The following STEAP4 variants were observed in gnomAD, a reference collection of about 807,000 sequenced individuals.
STEAP4 encodes metalloreductase STEAP4.
A neutral mutation model predicts 43.6 loss-of-function variants in STEAP4; 36 were observed. The observed-to-expected ratio is 0.83, with a 90% confidence interval of 0.63 to 1.09. STEAP4 has a LOEUF of 1.09. STEAP4 is among the 50% of genes least tolerant of loss of function. The pLI, the probability that STEAP4 is intolerant of heterozygous loss-of-function variation, is 0.00. For missense variants in STEAP4, 495 were observed against 546.5 expected, an observed-to-expected ratio of 0.91 and a Z score of 0.94; for synonymous variants, 191 against 196.7, an observed-to-expected ratio of 0.97 and a Z score of 0.24.
At chr7:88,283,557 T>C (rs968062661) in intron 2 of STEAP4, 10 of 548,324 alleles carry the variant, frequency 1.8e-5, no homozygotes, top group Non-Finnish European at 2.9e-5. Context: ...TATTAGTTTC[T>C]AGTACTGACA....
chr7:88,302,357 A>C (rs1322423420), intron 1 of STEAP4, among the ~76,000 whole-genome samples: 8 of 152,234 alleles, frequency 5.3e-5, no homozygotes, highest in Non-Finnish European at 8.8e-5. Flanking sequence ...GTTGCAATGC[A>C]TAGTGTAATG....
chr7:88,288,302 C>T (rs1335976900), intron 1 of STEAP4, among the ~76,000 whole-genome samples: 2 of 152,124 alleles, frequency 1.3e-5, no homozygotes, highest in Non-Finnish European at 2.9e-5. Context: ...TCCAGAGTAG[C>T]TGGGATTATA....
At position 88,301,822 on chromosome 7, in the gene STEAP4, C is replaced by T. The variant is rs576864284; in HGVS notation, c.-3+4970G>A. On this transcript the variant is annotated intron_variant, in intron 1 of 4. Transcript: ENST00000380079. ...AACTCCTGAGCTCAGGCAATCCGCC[C>T]GCCTCAGCCTCCCACAGTGCTGGGA... Among the ~76,000 whole-genome samples the T allele has an allele frequency of 6.6e-3, 1,011 of 152,144 alleles. 6 individuals carry two copies. The highest frequency in any genetic ancestry group is 0.017 in the Middle Eastern group (5 of 292).
chr7:88,292,404 C>A (rs767365015), intron 1 of STEAP4: 19 of 152,054 alleles, frequency 1.2e-4, no homozygotes, highest in Non-Finnish European at 2.4e-4. Context: ...CAAAAATAAT[C>A]TATTTTCAGT....
At chr7:88,301,927 G>T (rs564727467) in intron 1 of STEAP4, among the ~76,000 whole-genome samples, 12 of 152,196 alleles carry the variant, frequency 7.9e-5, no homozygotes, top group Non-Finnish European at 1.6e-4. Context: ...AAATAAATTT[G>T]TAACTACAAT....
rs187280204 is a variant in STEAP4 at position 88,279,300 on chromosome 7, G to A, written c.*98C>T. On this transcript the variant is annotated 3_prime_UTR_variant, in exon 5 of 5. Coordinates refer to ENST00000380079, the MANE Select transcript of STEAP4 (RefSeq NM_024636.4). The stretch of plus-strand genomic sequence containing the variant: ...GTGTAAGAAAAAAACTTTCCTAACT[G>A]TACCCATCATTCTTCTTTAAACATT... 6.9e-6 allele frequency: 8 copies of A among 1,160,704 alleles called. No individual in the cohort carries two copies. The South Asian group carries it at 7.2e-5, about 11-fold the overall frequency. The allele number at this position is 1,160,704 out of a possible 1,614,324, so 71.9% of individuals were successfully genotyped here.
chr7:88,294,869 C>T (rs1376272161), intron 1 of STEAP4, among the ~76,000 whole-genome samples: 4 of 152,048 alleles, frequency 2.6e-5, no homozygotes, highest in Non-Finnish European at 1.5e-5. Flanking sequence ...CTCCATGAAT[C>T]CCTCTGATTT....
At position 88,274,709 on chromosome 7, in the gene STEAP4, T is replaced by C. The variant is rs886593254; in HGVS notation, c.*4689A>G. The C allele has an allele frequency of 6.6e-6, 1 of 152,172 alleles. No homozygotes were observed. The highest frequency in any genetic ancestry group is 2.4e-5 in the African/African-American group (1 of 41,448). 9.4% of individuals were successfully genotyped at this position (152,172 alleles called of 1,614,324 possible). On this transcript the variant is annotated 3_prime_UTR_variant, in exon 5 of 5. Coordinates refer to ENST00000380079, the MANE Select transcript of STEAP4 (RefSeq NM_024636.4). ...TATAGTTATAGTTATTTCTTGATTA[T>C]ATGCTAAACAAGGGATGGATTATTC...
chr7:88,289,997 C>T (rs1344301948), intron 1 of STEAP4, among the ~76,000 whole-genome samples: 2 of 152,150 alleles, frequency 1.3e-5, no homozygotes, highest in Non-Finnish European at 2.9e-5. Flanking sequence ...TGTGTGACTG[C>T]CTATCTCCTC....
chr7:88,292,449 AT>A (rs1852850834), intron 1 of STEAP4: 1 of 152,222 alleles, frequency 6.6e-6, no homozygotes, highest in Non-Finnish European at 1.5e-5. Context: ...TATTAAAAAA[AT>A]AAATCAATCA....
At position 88,276,845 on chromosome 7, in the gene STEAP4, TGCCAAA is replaced by T; in HGVS notation, c.*2547_*2552del. ...GTCAGGTCTGGAAATGCAGCTATTA[TGCCAAA>T]ACCATCAGAGTGCTCTTTAGCTTCA... On this transcript the variant is annotated 3_prime_UTR_variant, in exon 5 of 5. Transcript: ENST00000380079. 1 of 152,690 alleles carries T rather than the reference TGCCAAA, an allele frequency of 6.5e-6. No homozygotes were observed. Among genetic ancestry groups the T allele is most frequent in the East Asian group, 1.9e-4 (1 of 5,200 alleles). 9.5% of individuals were successfully genotyped at this position (152,690 alleles called of 1,614,324 possible). A position where few individuals can be genotyped will look rare whatever the true frequency, so the allele number is the denominator to read the frequency against.
Position 88,275,420 on chromosome 7 carries a change from A to G in STEAP4, c.*3978T>C, listed in dbSNP as rs1196769825. ...CTCAGGCTTATTTTACTCAGCCTCT[A>G]TTGAAGATGGAGTCACCTGGTCCAA... On this transcript the variant is annotated 3_prime_UTR_variant, in exon 5 of 5. Transcript: ENST00000380079. 2 of 152,176 alleles carry G rather than the reference A, an allele frequency of 1.3e-5. No homozygotes were observed. Among genetic ancestry groups the G allele is most frequent in the Non-Finnish European group, 2.9e-5 (2 of 68,072 alleles). 9.4% of individuals were successfully genotyped at this position (152,176 alleles called of 1,614,324 possible).
chr7:88,276,389 T>C lies in STEAP4; in HGVS notation c.*3009A>G, dbSNP rs1311302115. The C allele has an allele frequency of 6.6e-6, 1 of 152,236 alleles. No homozygotes were observed. The highest frequency in any genetic ancestry group is 1.9e-4 in the East Asian group (1 of 5,204). 9.4% of individuals were successfully genotyped at this position (152,236 alleles called of 1,614,324 possible). A position where few individuals can be genotyped will look rare whatever the true frequency, so the allele number is the denominator to read the frequency against. On this transcript the variant is annotated 3_prime_UTR_variant, in exon 5 of 5. Coordinates refer to ENST00000380079, the MANE Select transcript of STEAP4 (RefSeq NM_024636.4). ...AACCTTTTAGTAACTTTATTTGGAA[T>C]GCTGATGAGTTAAAACCAGAATTAA...
intron 1 of STEAP4, among the ~76,000 whole-genome samples, chr7:88,305,245 G>A (rs920776317): frequency 6.6e-6 from 1 of 152,128 alleles, no homozygotes; most frequent in Non-Finnish European, 1.5e-5. Flanking sequence ...CTGTACACAT[G>A]TACCATTTAC....
At chr7:88,303,184 TAAAAAAA>T (rs112528523) in intron 1 of STEAP4, among the ~76,000 whole-genome samples, 4 of 101,694 alleles carry the variant, frequency 3.9e-5, no homozygotes, top group African/African-American at 6.9e-5. Context: ...TAATCTGCAT[TAAAAAAA>T]AAAAAAAAAA....
At chr7:88,283,760 G>A (rs1852671938) in intron 2 of STEAP4, 54 bp downstream of exon 2, 1 of 1,512,020 alleles carries the variant, frequency 6.6e-7, no homozygotes, top group East Asian at 2.3e-5. Flanking sequence ...TGAGGCAAGT[G>A]CACATTTAAT....
In STEAP4 at chr7:88,284,041, T is replaced by C; in HGVS notation, c.229A>G (p.Ile77Val). Residue 77 changes from isoleucine to valine, a missense_variant, in exon 2 of 5, where the codon ATA (isoleucine) becomes GTA (valine). Coordinates refer to ENST00000380079, the MANE Select transcript of STEAP4 (RefSeq NM_024636.4). ...TGCTCTCTGTGGATTGCTATGATTA[T>C]GATGCCAGACTTCTTGGCTGCTTCT... is the stretch of plus-strand genomic sequence containing the variant. ...YSEAAKKSGIIIIAIHREHYD... is the reference protein window; with the variant it reads ...YSEAAKKSGIVIIAIHREHYD... 1.2e-6 allele frequency: 2 copies of C among 1,614,184 alleles called. No homozygotes were observed. The highest frequency in any genetic ancestry group is 1.7e-6 in the Non-Finnish European group (2 of 1,180,036).
rs1374534835 is a variant in STEAP4 at position 88,272,124 on chromosome 7, CT to C, written c.*7273del. ...TCTTTGCCTGTGGGCCTTTTTCCCC[CT>C]AGACATGGTGGCATACACAATAAGT... On this transcript the variant is annotated 3_prime_UTR_variant, in exon 5 of 5. Transcript: ENST00000380079. 1.3e-5 allele frequency: 2 copies of C among 152,096 alleles called. No homozygotes were observed. The highest frequency in any genetic ancestry group is 1.9e-4 in the East Asian group (1 of 5,170). The allele number at this position is 152,096 out of a possible 1,614,324, so 9.4% of individuals were successfully genotyped here.
At position 88,284,239 on chromosome 7, in the gene STEAP4, G is replaced by A. The variant is rs764980659; in HGVS notation, c.31C>T (p.Leu11Phe). 3 of 1,605,116 alleles carry A rather than the reference G, an allele frequency of 1.9e-6. No homozygotes were observed. Among genetic ancestry groups the A allele is most frequent in the South Asian group, 1.1e-5 (1 of 90,368 alleles). ...TGCTTTTCTGAAGAATTCATAGTAA[G>A]AGGAAGTGCATCTATACAAGTTTTC... is the stretch of plus-strand genomic sequence containing the variant. MEKTCIDALP[L>F]TMNSSEKQET... is the part of the protein sequence containing the mutation. The change falls in exon 2 of 5, where the codon CTT (leucine) becomes TTT (phenylalanine). Residue 11 changes from leucine to phenylalanine, a missense_variant. Physicochemically the swap from Leu to Phe is conservative, Grantham distance 22. Coordinates refer to ENST00000380079, the MANE Select transcript of STEAP4 (RefSeq NM_024636.4).
Sources: allele counts gnomAD v4.1 joint callset (sites outside exome capture counted in the v4.1 genomes callset), GRCh38; gene constraint gnomAD v4.1.1; transcripts MANE v1.5; gene names NCBI Gene and HGNC (gene_info 2026-07-23, HGNC 2026-07-21).